LYNX1: variants seen among roughly 807,000 people sequenced by gnomAD.
The protein encoded by LYNX1 is Ly6/neurotoxin 1.
LYNX1 carries 8 observed loss-of-function variants against 8.3 expected under a neutral mutation model. The observed-to-expected ratio is 0.97, with a 90% confidence interval of 0.57 to 1.74. The LOEUF (loss-of-function observed/expected upper bound fraction) is 1.74. Among genes scored for constraint, LYNX1 ranks in the 40% most tolerant of loss-of-function variants. The probability of loss-of-function intolerance (pLI) is 0.00; values close to 1 mark genes in which losing one functional copy is unlikely to be tolerated. For synonymous variants in LYNX1, 73 were observed against 67.9 expected (o/e 1.08, Z -0.37); for missense variants, 158 against 159.7 (o/e 0.99, Z 0.06).
rs964058359 is a variant in LYNX1, at chr8:142,772,933, A to G, written c.*2234T>C. The G allele has an allele frequency of 4.1e-6, 4 of 985,348 alleles. No homozygotes were observed. In the African/African-American group the frequency reaches 5.3e-5, roughly 13 times the overall value. The allele number at this position is 985,348 out of a possible 1,614,324, so 61.0% of individuals were successfully genotyped here. ...GCAGGTGTGAGAAGCTGCCCACCCC[A>G]CCCCTCAACACCACAGCACTTCCAG... On this transcript the variant is annotated 3_prime_UTR_variant, in exon 4 of 4. Transcript: ENST00000652477.
Position 142,773,656 on chromosome 8 carries a change from C to A in LYNX1, c.*1511G>T. The A allele has an allele frequency of 2.0e-6, 2 of 985,368 alleles. No homozygotes were observed. Among genetic ancestry groups the A allele is most frequent in the South Asian group, 9.4e-5 (2 of 21,286 alleles). The allele number at this position is 985,368 out of a possible 1,614,324, so 61.0% of individuals were successfully genotyped here. A position where few individuals can be genotyped will look rare whatever the true frequency, so the allele number is the denominator to read the frequency against. On this transcript the variant is annotated 3_prime_UTR_variant, in exon 4 of 4. Coordinates refer to ENST00000652477, the MANE Select transcript of LYNX1 (RefSeq NM_177477.4). ...GCATATAGACTCACTGCAAGGAGAC[C>A]CCTGGGGTGGAGACCCTCATTCCCT... is the stretch of plus-strand genomic sequence containing the variant.
rs13362 is a variant in LYNX1 at position 142,771,546 on chromosome 8, C to G, written c.*3621G>C. The G allele has an allele frequency of 0.25, 245,005 of 985,166 alleles. 32,175 individuals carry two copies. Among genetic ancestry groups the G allele is most frequent in the Non-Finnish European group, 0.27 (220,702 of 829,858 alleles). 61.0% of individuals were successfully genotyped at this position (985,166 alleles called of 1,614,324 possible). ...CTTCTGTCTGGGAGGCTCCTTAAGG[C>G]TGGGGAGGGCCCAGAGGGAAGGAGA... On this transcript the variant is annotated 3_prime_UTR_variant, in exon 4 of 4. Coordinates refer to ENST00000652477, the MANE Select transcript of LYNX1 (RefSeq NM_177477.4).
At chr8:142,775,475 C>T in intron 3 of LYNX1, 112 bp from the exon 4 acceptor site, 1 of 1,563,394 alleles carries the variant, frequency 6.4e-7, no homozygotes. Flanking sequence ...CTGGAGCTCC[C>T]AGACAGGATC....
chr8:142,772,251 C>G lies in LYNX1; in HGVS notation c.*2916G>C. Reference sequence around the variant, plus strand: ...GGGCATCTACCCCCATGAAGGGGACCCTCGGTTCTGCGAGAGAGATCCCCG... The same window carrying G: ...GGGCATCTACCCCCATGAAGGGGACGCTCGGTTCTGCGAGAGAGATCCCCG... On this transcript the variant is annotated 3_prime_UTR_variant, in exon 4 of 4. Transcript: ENST00000652477. 9 of 985,974 alleles carry G rather than the reference C, an allele frequency of 9.1e-6. No homozygotes were observed. Among genetic ancestry groups the G allele is most frequent in the Non-Finnish European group, 1.1e-5 (9 of 830,030 alleles). 61.1% of individuals were successfully genotyped at this position (985,974 alleles called of 1,614,324 possible).
chr8:142,774,149 T>TTGCCCCC lies in LYNX1; in HGVS notation c.*1017_*1018insGGGGGCA. On this transcript the variant is annotated 3_prime_UTR_variant, in exon 4 of 4. Transcript: ENST00000652477. ...CGGGGGAGGGGCTGGGTCTCCGCCC[T>TTGCCCCC]CCCCACCCCACCCTCCCCACTCCCG... 4.1e-6 allele frequency: 3 copies of TTGCCCCC among 725,202 alleles called. No individual in the cohort carries two copies. Among genetic ancestry groups the TTGCCCCC allele is most frequent in the Non-Finnish European group, 4.9e-6 (3 of 608,408 alleles). 44.9% of individuals were successfully genotyped at this position (725,202 alleles called of 1,614,324 possible). A position where few individuals can be genotyped will look rare whatever the true frequency, so the allele number is the denominator to read the frequency against.
intron 2 of LYNX1, 83 bp from the exon 3 acceptor site, chr8:142,775,777 C>T (rs587742007): frequency 6.5e-6 from 10 of 1,535,756 alleles, no homozygotes; most frequent in East Asian, 4.7e-5. Context: ...GCCCCCAGCC[C>T]GTCACCTTCC....
chr8:142,775,782 C>T (rs1815397289), intron 2 of LYNX1, 88 bp from the exon 3 acceptor site: 3 of 1,538,932 alleles, frequency 1.9e-6, no homozygotes, highest in Non-Finnish European at 1.8e-6. Flanking sequence ...CAGCCCGTCA[C>T]CTTCCCCGGG....
Position 142,772,875 on chromosome 8 carries a change from G to A in LYNX1, c.*2292C>T, listed in dbSNP as rs147769388. The stretch of plus-strand genomic sequence containing the variant: ...CATGTGTGGGGCTGGGACAGGTCAG[G>A]GTGGTGGAAAGGTGGACAGAAGGAG... On this transcript the variant is annotated 3_prime_UTR_variant, in exon 4 of 4. Transcript: ENST00000652477. 4,976 of 985,986 alleles carry A rather than the reference G, an allele frequency of 5.0e-3. 13 individuals carry two copies. The highest frequency in any genetic ancestry group is 5.7e-3 in the Middle Eastern group (11 of 1,918). The allele number at this position is 985,986 out of a possible 1,614,324, so 61.1% of individuals were successfully genotyped here.
At chr8:142,775,838 T>C in intron 2 of LYNX1, 68 bp downstream of exon 2, 15 of 1,600,328 alleles carry the variant, frequency 9.4e-6, no homozygotes, top group Non-Finnish European at 1.3e-5. Flanking sequence ...TCTAGCCTCC[T>C]TCCCTACTGT....
At position 142,776,046 on chromosome 8, in the gene LYNX1, A is replaced by T; in HGVS notation, c.-89T>A. On this transcript the variant is annotated 5_prime_UTR_variant, in exon 2 of 4. The change creates a new upstream start codon in the 5' untranslated region. Coordinates refer to ENST00000652477, the MANE Select transcript of LYNX1 (RefSeq NM_177477.4). ...TCAGGGGTGGCGCACAGAGGATCCA[A>T]CTCAGGGTGGTGCGCAGAGGACGTG... 2 of 1,496,976 alleles carry T rather than the reference A, an allele frequency of 1.3e-6. No individual in the cohort carries two copies. Among genetic ancestry groups the T allele is most frequent in the Non-Finnish European group, 1.8e-6 (2 of 1,086,398 alleles). The allele number at this position is 1,496,976 out of a possible 1,614,324, so 92.7% of individuals were successfully genotyped here.
chr8:142,774,061 C>T lies in LYNX1; in HGVS notation c.*1106G>A. ...CAGCTGGGGCTTCCACCCTGCCCTC[C>T]CAGTGGGTGCATCCCCAGGTGGAAG... On this transcript the variant is annotated 3_prime_UTR_variant, in exon 4 of 4. Coordinates refer to ENST00000652477, the MANE Select transcript of LYNX1 (RefSeq NM_177477.4). The T allele has an allele frequency of 1.7e-5, 17 of 985,462 alleles. No homozygotes were observed. The highest frequency in any genetic ancestry group is 2.0e-5 in the Non-Finnish European group (17 of 829,976). The allele number at this position is 985,462 out of a possible 1,614,324, so 61.0% of individuals were successfully genotyped here. A position where few individuals can be genotyped will look rare whatever the true frequency, so the allele number is the denominator to read the frequency against.
chr8:142,772,934 C>A lies in LYNX1; in HGVS notation c.*2233G>T. On this transcript the variant is annotated 3_prime_UTR_variant, in exon 4 of 4. Transcript: ENST00000652477. ...CAGGTGTGAGAAGCTGCCCACCCCA[C>A]CCCTCAACACCACAGCACTTCCAGC... 6.1e-6 allele frequency: 6 copies of A among 985,874 alleles called. No individual in the cohort carries two copies. Among genetic ancestry groups the A allele is most frequent in the Non-Finnish European group, 6.0e-6 (5 of 830,288 alleles). 61.1% of individuals were successfully genotyped at this position (985,874 alleles called of 1,614,324 possible).
chr8:142,775,393 C>T, intron 3 of LYNX1, 30 bp from the exon 4 acceptor site: 2 of 1,608,228 alleles, frequency 1.2e-6, no homozygotes, highest in Non-Finnish European at 1.7e-6. Flanking sequence ...TGAGCCAGCT[C>T]CGCTAAGAGG....
Position 142,771,472 on chromosome 8 carries a change from G to A in LYNX1, c.*3695C>T, listed in dbSNP as rs1429342913. On this transcript the variant is annotated 3_prime_UTR_variant, in exon 4 of 4. Coordinates refer to ENST00000652477, the MANE Select transcript of LYNX1 (RefSeq NM_177477.4). ...GCGGAAGCTGGCAGGGCTGTCCACA[G>A]GGAGGACCCCCGTGTGTCTCTCGGG... The A allele has an allele frequency of 1.0e-5, 10 of 985,268 alleles. No individual in the cohort carries two copies. The highest frequency in any genetic ancestry group is 1.1e-5 in the Non-Finnish European group (9 of 829,950). 61.0% of individuals were successfully genotyped at this position (985,268 alleles called of 1,614,324 possible).
rs1200155224 is a variant in LYNX1 at position 142,772,651 on chromosome 8, T to C, written c.*2516A>G. The C allele has an allele frequency of 1.0e-6, 1 of 985,504 alleles. No individual in the cohort carries two copies. Among genetic ancestry groups the C allele is most frequent in the African/African-American group, 1.7e-5 (1 of 57,354 alleles). 61.0% of individuals were successfully genotyped at this position (985,504 alleles called of 1,614,324 possible). A position where few individuals can be genotyped will look rare whatever the true frequency, so the allele number is the denominator to read the frequency against. On this transcript the variant is annotated 3_prime_UTR_variant, in exon 4 of 4. Coordinates refer to ENST00000652477, the MANE Select transcript of LYNX1 (RefSeq NM_177477.4). ...TACAGTGCTCAGGGCCACAGTGCAG[T>C]GGGGGGACCCACGTCCATCGCCACC...
chr8:142,773,334 G>A lies in LYNX1; in HGVS notation c.*1833C>T. ...GGCCGGTCCTGCTCTCCAGGCTTAG[G>A]GCTACAGCCACAACCACTGGGGGTA... On this transcript the variant is annotated 3_prime_UTR_variant, in exon 4 of 4. Coordinates refer to ENST00000652477, the MANE Select transcript of LYNX1 (RefSeq NM_177477.4). The A allele has an allele frequency of 1.0e-6, 1 of 985,624 alleles. No individual in the cohort carries two copies. Among genetic ancestry groups the A allele is most frequent in the Non-Finnish European group, 1.2e-6 (1 of 830,126 alleles). 61.1% of individuals were successfully genotyped at this position (985,624 alleles called of 1,614,324 possible). A position where few individuals can be genotyped will look rare whatever the true frequency, so the allele number is the denominator to read the frequency against.
Position 142,773,812 on chromosome 8 carries a change from T to A in LYNX1, c.*1355A>T, listed in dbSNP as rs1055105934. 19 of 985,310 alleles carry A rather than the reference T, an allele frequency of 1.9e-5. No homozygotes were observed. Among genetic ancestry groups the A allele is most frequent in the Non-Finnish European group, 1.9e-5 (16 of 829,888 alleles). The allele number at this position is 985,310 out of a possible 1,614,324, so 61.0% of individuals were successfully genotyped here. On this transcript the variant is annotated 3_prime_UTR_variant, in exon 4 of 4. Coordinates refer to ENST00000652477, the MANE Select transcript of LYNX1 (RefSeq NM_177477.4). Reference sequence around the variant, plus strand: ...ATGTCACCATCCTGCCCATGCGGGATGGCTTGAAGGGTTTCTCAGGACACC... The same window carrying A: ...ATGTCACCATCCTGCCCATGCGGGAAGGCTTGAAGGGTTTCTCAGGACACC...
At position 142,775,599 on chromosome 8, in the gene LYNX1, G is replaced by T; in HGVS notation, c.148C>A (p.Arg50Ser). Residue 50 changes from arginine to serine, a missense_variant, in exon 3 of 4, where the codon CGC becomes AGC. Coordinates refer to ENST00000652477, the MANE Select transcript of LYNX1 (RefSeq NM_177477.4). ...PAMVAYCMTTRTYYTPTRMKV... is the reference protein window; with the variant it reads ...PAMVAYCMTTSTYYTPTRMKV... Reference sequence around the variant, plus strand: ...GCAGGGCCCCCAGACTCACAGGTGCGCGTGGTCATGCAGTAGGCAACCATA... The same window carrying T: ...GCAGGGCCCCCAGACTCACAGGTGCTCGTGGTCATGCAGTAGGCAACCATA... The T allele has an allele frequency of 6.3e-7, 1 of 1,590,954 alleles. No homozygotes were observed. The highest frequency in any genetic ancestry group is 1.1e-5 in the South Asian group (1 of 87,490).
rs200901314 is a variant in LYNX1 at position 142,775,723 on chromosome 8, A to T, written c.53-29T>A. ...GGGTTGGCAGATGGGCGGGAAGGGA[A>T]CGGGGGTCACAGAACATGAGAGGCC... On this transcript the variant is annotated intron_variant, in intron 2 of 3. Coordinates refer to ENST00000652477, the MANE Select transcript of LYNX1 (RefSeq NM_177477.4). 590 of 1,563,530 alleles carry T rather than the reference A, an allele frequency of 3.8e-4. 4 individuals carry two copies. In the African/African-American group the frequency reaches 7.3e-3, roughly 19 times the overall value.
Sources: allele counts gnomAD v4.1 joint callset, GRCh38; gene constraint gnomAD v4.1.1; transcripts MANE v1.5; gene names NCBI Gene and HGNC (gene_info 2026-07-23, HGNC 2026-07-21).